CLASP2: variants seen among roughly 807,000 people sequenced by gnomAD.
CLASP2 encodes the protein cytoplasmic linker associated protein 2, also known as CLIP-associating protein 2.
In CLASP2, 47 loss-of-function variants were observed where a neutral mutation model predicts 194.4. The observed-to-expected ratio is 0.24, with a 90% CI of 0.19 to 0.31. The LOEUF (loss-of-function observed/expected upper bound fraction) is 0.31. Ranked by LOEUF, CLASP2 falls within the 10% of genes least tolerant of loss-of-function variation. The pLI, the probability that CLASP2 is intolerant of heterozygous loss-of-function variation, is 1.00. For synonymous variants in CLASP2, 619 were observed against 633.5 expected (o/e 0.98, Z 0.34); for missense variants, 1,445 against 1,823.6 (o/e 0.79, Z 3.78).
intron 6 of CLASP2, among the ~76,000 whole-genome samples, chr3:33,678,846 A>AGATGT (rs2089305778): frequency 6.6e-6 from 1 of 152,210 alleles, no homozygotes; most frequent in Non-Finnish European, 1.5e-5. Flanking sequence ...GTTCTTCCCA[A>AGATGT]CTTGATCTAT....
rs397874790 is a variant in CLASP2 at position 33,505,227 on chromosome 3, A to AAACAACAACAAC, written c.4318-3471_4318-3460dup. 1.4e-3 allele frequency: 166 copies of AAACAACAACAAC among 117,458 alleles called. 2 individuals carry two copies. Among genetic ancestry groups the AAACAACAACAAC allele is most frequent in the African/African-American group, 4.4e-3 (143 of 32,712 alleles). 7.3% of individuals were successfully genotyped at this position (117,458 alleles called of 1,614,324 possible). ...GCCTCTCAGGGAATGCCAGAGATAA[A>AAACAACAACAAC]AACAACAACAACAACAACAACAACA... On this transcript the variant is annotated intron_variant, in intron 37 of 38. Transcript: ENST00000682230.
chr3:33,622,865 T>C (rs1577344199), intron 10 of CLASP2, among the ~76,000 whole-genome samples: 2 of 150,932 alleles, frequency 1.3e-5, no homozygotes, highest in African/African-American at 5.0e-5. Context: ...TGGAATGCAG[T>C]GGTGCCACTG....
intron 2 of CLASP2, among the ~76,000 whole-genome samples, chr3:33,695,135 T>C (rs1351317290): frequency 9.9e-5 from 15 of 151,112 alleles, no homozygotes; most frequent in East Asian, 7.8e-4. Flanking sequence ...TCTTAGTTCA[T>C]TGTAACCTTG....
chr3:33,596,447 C>T, intron 19 of CLASP2: 1 of 333,482 alleles, frequency 3.0e-6, no homozygotes, highest in Non-Finnish European at 5.5e-6. Flanking sequence ...CAGAGGCGAA[C>T]TTCTAAGAGC....
intron 24 of CLASP2, among the ~76,000 whole-genome samples, chr3:33,575,480 A>G (rs573187032): frequency 6.6e-6 from 1 of 152,272 alleles, no homozygotes; most frequent in Admixed American, 6.5e-5. Context: ...TGTTTCTCAA[A>G]CATAGGATTA....
chr3:33,529,652 A>AACT, intron 34 of CLASP2, among the ~76,000 whole-genome samples: 1 of 152,192 alleles, frequency 6.6e-6, no homozygotes, highest in East Asian at 1.9e-4. Context: ...GGTCAAGATC[A>AACT]ACTTCACTGT....
intron 7 of CLASP2, among the ~76,000 whole-genome samples, chr3:33,648,903 C>G (rs776525800): frequency 2.6e-5 from 4 of 152,180 alleles, no homozygotes; most frequent in Non-Finnish European, 5.9e-5. Context: ...TGCTGCTTAC[C>G]TCATCCCCTA....
At position 33,572,567 on chromosome 3, in the gene CLASP2, T is replaced by G. The variant is rs140449395; in HGVS notation, c.2699+543A>C. 7.0e-3 allele frequency among the ~76,000 whole-genome samples: 1,058 copies of G among 152,050 alleles called. 7 individuals carry two copies. Among genetic ancestry groups the G allele is most frequent in the Non-Finnish European group, 0.011 (774 of 67,950 alleles). On this transcript the variant is annotated intron_variant, in intron 25 of 38. Coordinates refer to ENST00000682230, the MANE Select transcript of CLASP2 (RefSeq NM_001365631.1). ...ACACAGACAAGGACAATAAGGCAAG[T>G]AGGGGGAAAAAACAAGCTAATACCA...
intron 20 of CLASP2, 50 bp downstream of exon 20, chr3:33,594,901 A>C (rs2069825183): frequency 9.4e-7 from 1 of 1,058,908 alleles, no homozygotes; most frequent in South Asian, 2.4e-5. Context: ...TACCAATGAA[A>C]ATAGTAATGT....
rs776613301 is a variant in CLASP2, at chr3:33,696,971, T to C, written c.196-38A>G. 3.8e-6 allele frequency: 4 copies of C among 1,058,706 alleles called. No homozygotes were observed. In the South Asian group the frequency reaches 4.3e-5, roughly 11 times the overall value. The allele number at this position is 1,058,706 out of a possible 1,614,324, so 65.6% of individuals were successfully genotyped here. A position where few individuals can be genotyped will look rare whatever the true frequency, so the allele number is the denominator to read the frequency against. ...AGGGATTTTAATGAATATAAATTAC[T>C]GATGCATACTTTAATATCAGTATTT... is the stretch of plus-strand genomic sequence containing the variant. On this transcript the variant is annotated intron_variant, in intron 1 of 38. Transcript: ENST00000682230.
At chr3:33,658,138 A>C (rs2084626366) in intron 7 of CLASP2, among the ~76,000 whole-genome samples, 1 of 152,184 alleles carries the variant, frequency 6.6e-6, no homozygotes, top group Admixed American at 6.5e-5. Context: ...TATAATGGAA[A>C]ATACCAAACA....
chr3:33,714,458 GT>G (rs2154359345), intron 1 of CLASP2, among the ~76,000 whole-genome samples: 1 of 152,226 alleles, frequency 6.6e-6, no homozygotes, highest in South Asian at 2.1e-4. Flanking sequence ...CAATTTATTT[GT>G]TCTTCTCTCA....
intron 1 of CLASP2, among the ~76,000 whole-genome samples, chr3:33,700,410 G>A (rs2092292500): frequency 6.6e-6 from 1 of 151,944 alleles, no homozygotes; most frequent in Non-Finnish European, 1.5e-5. Flanking sequence ...TGGCAACAAA[G>A]CAAGACACTG....
chr3:33,609,439 T>C (rs1412974943), intron 13 of CLASP2, among the ~76,000 whole-genome samples: 1 of 152,226 alleles, frequency 6.6e-6, no homozygotes, highest in Non-Finnish European at 1.5e-5. Context: ...TATGTATGTA[T>C]ATGACTTTAC....
chr3:33,560,623 G>A (rs1560032801), intron 28 of CLASP2, among the ~76,000 whole-genome samples, 185 bp downstream of exon 28: 1 of 151,946 alleles, frequency 6.6e-6, no homozygotes, highest in Non-Finnish European at 1.5e-5. Context: ...AAAAATGCAG[G>A]GCTTGACCTA....
intron 37 of CLASP2, among the ~76,000 whole-genome samples, chr3:33,507,085 C>T (rs986789235): frequency 6.6e-5 from 10 of 151,880 alleles, no homozygotes; most frequent in African/African-American, 9.7e-5. Context: ...ATTACAGAGG[C>T]GCACCACCAC....
chr3:33,703,840 A>G (rs1056884246), intron 1 of CLASP2, among the ~76,000 whole-genome samples: 1 of 152,244 alleles, frequency 6.6e-6, no homozygotes, highest in African/African-American at 2.4e-5. Flanking sequence ...AAAGCAACCA[A>G]GATGTCCCTC....
At chr3:33,653,965 TA>T (rs1159133565) in intron 7 of CLASP2, among the ~76,000 whole-genome samples, 1 of 146,758 alleles carries the variant, frequency 6.8e-6, no homozygotes, top group Non-Finnish European at 1.5e-5. Flanking sequence ...AATCAGCATC[TA>T]AAAAATCACA....
chr3:33,619,664 A>G lies in CLASP2; in HGVS notation c.1256T>C (p.Val419Ala). 1.3e-6 allele frequency: 2 copies of G among 1,560,504 alleles called. No homozygotes were observed. The highest frequency in any genetic ancestry group is 1.7e-6 in the Non-Finnish European group (2 of 1,151,966). ...EAIVPTLFNL[V>A]PNSAKVMATS... is the part of the protein sequence containing the mutation. ...TGCCATGACTTTTGCACTATTGGGG[A>G]CGAGATTAAAAAGTGTAGGTACAAT... Residue 419 changes from valine (V) to alanine (A), a missense_variant, in exon 12 of 39, where the codon GTC (valine) becomes GCC (alanine). Physicochemically the swap from Val to Ala is moderately conservative, Grantham distance 64 (BLOSUM62 0). Around this residue, in one of 4 missense-constraint regions of CLASP2, gnomAD observed 207 missense variants for 331.4 expected, o/e 0.62. Transcript: ENST00000682230.
Sources: gnomAD v4.1 joint callset for allele counts (sites outside exome capture counted in the v4.1 genomes callset) on GRCh38, gnomAD v4.1.1 for gene constraint, gnomAD v4.1.1 regional missense constraint, MANE v1.5 for transcripts, NCBI Gene and HGNC (gene_info 2026-07-23, HGNC 2026-07-21) for gene names.